The following GAREM1 variants were observed in gnomAD, a reference collection of about 807,000 sequenced individuals.
GAREM1 encodes GRB2-associated and regulator of MAPK protein 1.
Under a neutral mutation model 71.3 loss-of-function variants are expected in GAREM1, and 26 were observed. The ratio of observed to expected loss-of-function variants is 0.36; its 90% CI spans 0.27 to 0.51. GAREM1 has a LOEUF of 0.51. Ranked by LOEUF, GAREM1 falls within the 20% of genes least tolerant of loss-of-function variation. The pLI, the probability that GAREM1 is intolerant of heterozygous loss-of-function variation, is 0.95. For synonymous variants in GAREM1, 440 were observed against 433.2 expected (o/e 1.02, Z -0.20); for missense variants, 1,026 against 1,103.1 (o/e 0.93, Z 0.99).
At chr18:32,450,660 A>G (rs920077648) in intron 1 of GAREM1, among the ~76,000 whole-genome samples, 2 of 152,174 alleles carry the variant, frequency 1.3e-5, no homozygotes, top group Admixed American at 1.3e-4. Flanking sequence ...ACCTCAACAT[A>G]GCCACAAATT....
chr18:32,340,231 A>T (rs1044597062), intron 2 of GAREM1, among the ~76,000 whole-genome samples: 3 of 152,246 alleles, frequency 2.0e-5, no homozygotes, highest in Non-Finnish European at 4.4e-5. Context: ...GTGGACAGTC[A>T]TGGCCTCTTA....
chr18:32,293,104 C>T (rs561362263), intron 3 of GAREM1, among the ~76,000 whole-genome samples: 57 of 152,126 alleles, frequency 3.7e-4, no homozygotes, highest in African/African-American at 1.3e-3. Context: ...CTAACTCACA[C>T]TTTTCAGCAG....
intron 4 of GAREM1, among the ~76,000 whole-genome samples, chr18:32,275,925 T>G (rs2041536180): frequency 6.6e-6 from 1 of 152,240 alleles, no homozygotes; most frequent in Non-Finnish European, 1.5e-5. Context: ...TTCGCCCGCC[T>G]CGGCCTCCCA....
intron 4 of GAREM1, among the ~76,000 whole-genome samples, chr18:32,284,752 CTT>C (rs34946592): frequency 2.1e-4 from 25 of 121,108 alleles, no homozygotes; most frequent in Admixed American, 3.0e-4. Context: ...TGCCCCCTTA[CTT>C]TTTTTTTTTT....
intron 2 of GAREM1, among the ~76,000 whole-genome samples, chr18:32,314,282 T>C (rs907213642): frequency 6.6e-6 from 1 of 152,180 alleles, no homozygotes; most frequent in Non-Finnish European, 1.5e-5. Context: ...ATGACACCCA[T>C]GTCTGCATAC....
intron 1 of GAREM1, among the ~76,000 whole-genome samples, chr18:32,424,941 G>A (rs1025436862): frequency 4.6e-5 from 7 of 152,030 alleles, no homozygotes; most frequent in Admixed American, 2.0e-4. Flanking sequence ...CCCTCCAAAG[G>A]GTATATCAAA....
chr18:32,274,233 T>C (rs1333069717), intron 4 of GAREM1, among the ~76,000 whole-genome samples: 1 of 152,212 alleles, frequency 6.6e-6, no homozygotes, highest in African/African-American at 2.4e-5. Context: ...TGAGGGCTTA[T>C]TGTACCATCT....
At position 32,380,054 on chromosome 18, in the gene GAREM1, C is replaced by A. The variant is rs142962252; in HGVS notation, c.262+12841G>T. On this transcript the variant is annotated intron_variant, in intron 2 of 5. Coordinates refer to ENST00000269209, the MANE Select transcript of GAREM1 (RefSeq NM_001242409.2). ...TAAAGGGATTGCTCCATTGCTCCCC[C>A]CTGAATTTTTCCGCCATGACACGCA... Among the ~76,000 whole-genome samples the A allele has an allele frequency of 5.9e-5, 9 of 152,290 alleles. No individual in the cohort carries two copies. The East Asian group carries it at 1.2e-3, about 20-fold the overall frequency.
intron 1 of GAREM1, among the ~76,000 whole-genome samples, chr18:32,404,227 T>C (rs942829659): frequency 6.6e-6 from 1 of 152,230 alleles, no homozygotes; most frequent in African/African-American, 2.4e-5. Flanking sequence ...TAAGTAGTTA[T>C]GTAACATCTG....
chr18:32,394,997 G>A (rs1169687483), intron 1 of GAREM1, among the ~76,000 whole-genome samples: 1 of 152,160 alleles, frequency 6.6e-6, no homozygotes, highest in African/African-American at 2.4e-5. Flanking sequence ...GGACACATAA[G>A]CTACTGATTT....
At chr18:32,452,365 C>T (rs896564582) in intron 1 of GAREM1, among the ~76,000 whole-genome samples, 1 of 152,142 alleles carries the variant, frequency 6.6e-6, no homozygotes, top group Admixed American at 6.6e-5. Flanking sequence ...CAGTATATTG[C>T]GGCTCTTCAA....
intron 2 of GAREM1, among the ~76,000 whole-genome samples, chr18:32,379,476 C>T (rs980736930): frequency 1.6e-4 from 9 of 57,498 alleles, no homozygotes; most frequent in African/African-American, 6.4e-4. Context: ...GGGTGGGGGG[C>T]GGGGTGGATC....
chr18:32,367,515 T>C (rs1236566886), intron 2 of GAREM1, among the ~76,000 whole-genome samples: 1 of 152,238 alleles, frequency 6.6e-6, no homozygotes, highest in Non-Finnish European at 1.5e-5. Context: ...ATATGCTCCT[T>C]TGAGAAATTT....
At chr18:32,305,634 C>T (rs2047246383) in intron 3 of GAREM1, among the ~76,000 whole-genome samples, 2 of 152,218 alleles carry the variant, frequency 1.3e-5, no homozygotes, top group African/African-American at 2.4e-5. Flanking sequence ...ATTCTCCTGC[C>T]TCAGCCTCCC....
chr18:32,344,278 G>A (rs1206177594), intron 2 of GAREM1, among the ~76,000 whole-genome samples: 1 of 152,074 alleles, frequency 6.6e-6, no homozygotes, highest in African/African-American at 2.4e-5. Context: ...TTGAAATCTG[G>A]TCCTGAACCA....
intron 2 of GAREM1, among the ~76,000 whole-genome samples, chr18:32,390,921 G>A (rs1326491857): frequency 2.0e-5 from 3 of 152,142 alleles, no homozygotes; most frequent in Non-Finnish European, 4.4e-5. Context: ...TGAATCCAAT[G>A]TATAACCAAG....
At chr18:32,466,348 T>A (rs2048999046) in intron 1 of GAREM1, among the ~76,000 whole-genome samples, 1 of 152,220 alleles carries the variant, frequency 6.6e-6, no homozygotes, top group South Asian at 2.1e-4. Flanking sequence ...TTCTTGAATC[T>A]CATGAATTTT....
intron 3 of GAREM1, among the ~76,000 whole-genome samples, chr18:32,305,449 T>C (rs60694040): frequency 0.066 from 10,105 of 152,256 alleles, 695 homozygotes; most frequent in African/African-American, 0.17. Flanking sequence ...CAAACATATC[T>C]ATCTCATAAG....
rs960140896 is a variant in GAREM1, at chr18:32,264,105, T to C, written c.*3766A>G. The C allele has an allele frequency of 6.6e-6, 1 of 152,188 alleles. No homozygotes were observed. Among genetic ancestry groups the C allele is most frequent in the Admixed American group, 6.5e-5 (1 of 15,272 alleles). 9.4% of individuals were successfully genotyped at this position (152,188 alleles called of 1,614,324 possible). A position where few individuals can be genotyped will look rare whatever the true frequency, so the allele number is the denominator to read the frequency against. ...ATGTAACCATGAGAATCCCGTATTA[T>C]TACAATCCCACAATCTAAAAACTCT... On this transcript the variant is annotated 3_prime_UTR_variant, in exon 6 of 6. Transcript: ENST00000269209.
Sources: gnomAD v4.1 joint callset for allele counts (sites outside exome capture counted in the v4.1 genomes callset) on GRCh38, gnomAD v4.1.1 for gene constraint, MANE v1.5 for transcripts, NCBI Gene and HGNC (gene_info 2026-07-23, HGNC 2026-07-21) for gene names.